OOSP2: variants seen among roughly 807,000 people sequenced by gnomAD.
The protein encoded by OOSP2 is oocyte-secreted protein 2.
A neutral mutation model predicts 13.4 loss-of-function variants in OOSP2; 7 were observed. The observed-to-expected ratio is 0.52, with a 90% CI of 0.30 to 0.98. The LOEUF (loss-of-function observed/expected upper bound fraction) is 0.98, where lower values mean the gene tolerates loss of function less well. Ranked by LOEUF, OOSP2 falls within the 50% of genes least tolerant of loss-of-function variation. OOSP2 has a pLI of 0.07. For synonymous variants in OOSP2, 75 were observed against 67.2 expected, an observed-to-expected ratio of 1.12 and a Z score of -0.57; for missense variants, 184 against 188.5, an observed-to-expected ratio of 0.98 and a Z score of 0.14.
intron 1 of OOSP2, among the ~76,000 whole-genome samples, chr11:60,043,024 C>T (rs775245047): frequency 6.6e-6 from 1 of 152,098 alleles, no homozygotes; most frequent in Admixed American, 6.5e-5. Flanking sequence ...CCTGCCTCAG[C>T]CTCCCGAGTA....
chr11:60,047,300 A>C lies in OOSP2; in HGVS notation c.*227A>C. ...ATTAATTTAACATTAACTATTAGGT[A>C]ATTCATATTATACATTTAAGTTCTT... On this transcript the variant is annotated 3_prime_UTR_variant, in exon 4 of 4. Coordinates refer to ENST00000278855, the MANE Select transcript of OOSP2 (RefSeq NM_173801.5). The C allele has an allele frequency of 2.8e-6, 1 of 353,138 alleles. No individual in the cohort carries two copies. The highest frequency in any genetic ancestry group is 5.1e-6 in the Non-Finnish European group (1 of 196,004). 21.9% of individuals were successfully genotyped at this position (353,138 alleles called of 1,614,324 possible). A position where few individuals can be genotyped will look rare whatever the true frequency, so the allele number is the denominator to read the frequency against.
Position 60,047,052 on chromosome 11 carries a change from T to G in OOSP2, c.456T>G (p.Ser152=), listed in dbSNP as rs1449693967. 6.2e-7 allele frequency: 1 copy of G among 1,611,500 alleles called. No individual in the cohort carries two copies. The highest frequency in any genetic ancestry group is 1.3e-5 in the African/African-American group (1 of 74,832). The change falls in exon 4 of 4, where the codon TCT becomes TCG. Residue 152 remains serine (S), a synonymous_variant. Coordinates refer to ENST00000278855, the MANE Select transcript of OOSP2 (RefSeq NM_173801.5). The part of the protein sequence containing the change: ...QTTAEELGLL[S]SSPNLL Reference sequence around the variant, plus strand: ...CAGCAGAAGAGTTAGGATTATTATCTTCTAGTCCAAACTTGCTCTGAGCTA... The same window carrying G: ...CAGCAGAAGAGTTAGGATTATTATCGTCTAGTCCAAACTTGCTCTGAGCTA...
rs759334527 is a variant in OOSP2, at chr11:60,044,652, A to T, written c.244-19A>T. 8.6e-7 allele frequency: 1 copy of T among 1,158,960 alleles called. No individual in the cohort carries two copies. The highest frequency in any genetic ancestry group is 1.3e-6 in the Non-Finnish European group (1 of 771,018). The allele number at this position is 1,158,960 out of a possible 1,614,324, so 71.8% of individuals were successfully genotyped here. On this transcript the variant is annotated intron_variant, in intron 2 of 3. Transcript: ENST00000278855. ...CTGTTACTCCAAATATCTTCCACTG[A>T]AACTTCATGCTCTCCTAGGTAGTTT... is the stretch of plus-strand genomic sequence containing the variant.
intron 3 of OOSP2, among the ~76,000 whole-genome samples, chr11:60,045,087 T>C (rs963524093): frequency 6.6e-6 from 1 of 152,216 alleles, no homozygotes; most frequent in Non-Finnish European, 1.5e-5. Context: ...TCACCTTTAG[T>C]AAGTGATAGG....
chr11:60,043,058 C>T (rs1854958263), intron 1 of OOSP2, among the ~76,000 whole-genome samples: 1 of 152,216 alleles, frequency 6.6e-6, no homozygotes, highest in Non-Finnish European at 1.5e-5. Context: ...GCGCTTGCCA[C>T]CACACCCGGC....
Position 60,040,524 on chromosome 11 carries a change from GT to G in OOSP2, c.64+2del. On this transcript the variant is annotated splice_donor_variant, in intron 1 of 3. Coordinates refer to ENST00000278855, the MANE Select transcript of OOSP2 (RefSeq NM_173801.5). LOFTEE classifies it high-confidence loss of function. ...TGGACCGGTGCTGAGAACCTCCATG[GT>G]AAATAACAAGTTTTAGAGAATGCTT... is the stretch of plus-strand genomic sequence containing the variant. 6.5e-7 allele frequency: 1 copy of G among 1,545,404 alleles called. No homozygotes were observed.
At chr11:60,040,923 T>G (rs977870410) in intron 1 of OOSP2, among the ~76,000 whole-genome samples, 1 of 152,208 alleles carries the variant, frequency 6.6e-6, no homozygotes, top group African/African-American at 2.4e-5. Context: ...ATATTTTTGC[T>G]TAATGCTGAT....
intron 3 of OOSP2, 43 bp from the exon 4 acceptor site, chr11:60,046,901 A>C (rs369768162): frequency 3.2e-6 from 5 of 1,571,570 alleles, no homozygotes; most frequent in African/African-American, 1.4e-5. Flanking sequence ...ACTTGATCCC[A>C]AGTGCTCCAA....
chr11:60,044,567 T>A (rs1389744404), intron 2 of OOSP2, 104 bp from the exon 3 acceptor site: 1 of 528,038 alleles, frequency 1.9e-6, no homozygotes, highest in Admixed American at 3.1e-5. Flanking sequence ...AGAATGACAG[T>A]AGCCATTTTT....
chr11:60,046,814 A>T (rs2276044), intron 3 of OOSP2, 130 bp from the exon 4 acceptor site: 2 of 818,688 alleles, frequency 2.4e-6, no homozygotes. Flanking sequence ...TCTAGAAGGC[A>T]TAGTATGCTG....
At chr11:60,040,600 C>G in intron 1 of OOSP2, 77 bp downstream of exon 1, 1 of 840,048 alleles carries the variant, frequency 1.2e-6, no homozygotes, top group Admixed American at 1.8e-5. Flanking sequence ...GTGTTTTACT[C>G]CCTGAAGAAA....
chr11:60,047,843 T>C lies in OOSP2; in HGVS notation c.*770T>C, dbSNP rs1291008313. 6.6e-6 allele frequency: 1 copy of C among 152,108 alleles called. No homozygotes were observed. The highest frequency in any genetic ancestry group is 1.9e-4 in the East Asian group (1 of 5,196). 9.4% of individuals were successfully genotyped at this position (152,108 alleles called of 1,614,324 possible). Reference sequence around the variant, plus strand: ...TATCTTCCTTTCTTTAAACATGGAGTCTAAATATGTAATATATCAAAAAAT... The same window carrying C: ...TATCTTCCTTTCTTTAAACATGGAGCCTAAATATGTAATATATCAAAAAAT... On this transcript the variant is annotated 3_prime_UTR_variant, in exon 4 of 4. Transcript: ENST00000278855.
At chr11:60,043,396 G>T in intron 1 of OOSP2, 73 bp from the exon 2 acceptor site, 3 of 905,054 alleles carry the variant, frequency 3.3e-6, no homozygotes, top group South Asian at 1.8e-5. Flanking sequence ...ACAGAGGGCA[G>T]AGTTGACTAT....
intron 1 of OOSP2, among the ~76,000 whole-genome samples, chr11:60,042,192 C>G (rs1274501693): frequency 1.3e-5 from 2 of 152,244 alleles, no homozygotes; most frequent in Admixed American, 1.3e-4. Flanking sequence ...GCAGTGAAAT[C>G]ATAAGTATGG....
chr11:60,043,145 G>C (rs1854959367), intron 1 of OOSP2, among the ~76,000 whole-genome samples: 2 of 151,944 alleles, frequency 1.3e-5, no homozygotes. Flanking sequence ...ACCTTGTAAT[G>C]CGCCCGCCTC....
rs1414761190 is a variant in OOSP2 at position 60,043,601 on chromosome 11, T to C, written c.197T>C (p.Val66Ala). Residue 66 changes from valine (V) to alanine (A), a missense_variant, in exon 2 of 4, where the codon GTA (valine) becomes GCA (alanine). Physicochemically the swap from Val to Ala is moderately conservative, Grantham distance 64. Coordinates refer to ENST00000278855, the MANE Select transcript of OOSP2 (RefSeq NM_173801.5). ...CCTGCAAATCGGATACATACATATG[T>C]ATATGAGTTTATATATCTTGTTCGT... is the stretch of plus-strand genomic sequence containing the variant. ...GCPANRIHTYVYEFIYLVRDC... is the reference protein window; with the variant it reads ...GCPANRIHTYAYEFIYLVRDC... 4 of 1,607,502 alleles carry C rather than the reference T, an allele frequency of 2.5e-6. No homozygotes were observed. Among genetic ancestry groups the C allele is most frequent in the Non-Finnish European group, 3.4e-6 (4 of 1,174,084 alleles).
Position 60,047,883 on chromosome 11 carries a change from AG to A in OOSP2, c.*811del, listed in dbSNP as rs554194487. On this transcript the variant is annotated 3_prime_UTR_variant, in exon 4 of 4. Coordinates refer to ENST00000278855, the MANE Select transcript of OOSP2 (RefSeq NM_173801.5). Reference sequence around the variant, plus strand: ...TATCAAAAAATACTTCTGATTTGGTAGATTTCTTATATCAAGGGTGAGAATT... The same window carrying A: ...TATCAAAAAATACTTCTGATTTGGTAATTTCTTATATCAAGGGTGAGAATT... 8.7e-4 allele frequency: 133 copies of A among 152,246 alleles called. No homozygotes were observed. The highest frequency in any genetic ancestry group is 3.1e-3 in the African/African-American group (130 of 41,536). The allele number at this position is 152,246 out of a possible 1,614,324, so 9.4% of individuals were successfully genotyped here.
At chr11:60,043,322 G>A in intron 1 of OOSP2, 147 bp from the exon 2 acceptor site, 1 of 487,410 alleles carries the variant, frequency 2.1e-6, no homozygotes, top group East Asian at 2.9e-5. Flanking sequence ...TTTTAATAAT[G>A]TTTGTAAGAA....
In OOSP2 at chr11:60,047,031, A is replaced by G. The variant is rs776117151; in HGVS notation, c.435A>G (p.Ala145=). 6.2e-7 allele frequency: 1 copy of G among 1,611,880 alleles called. No individual in the cohort carries two copies. Among genetic ancestry groups the G allele is most frequent in the East Asian group, 2.2e-5 (1 of 44,838 alleles). ...TTATTGCTGACTTTCAGACAACAGC[A>G]GAAGAGTTAGGATTATTATCTTCTA... The part of the protein sequence containing the change: ...SPFIADFQTT[A]EELGLLSSSP... The change falls in exon 4 of 4, where the codon GCA becomes GCG. Residue 145 remains alanine (A), a synonymous_variant. Transcript: ENST00000278855.
Sources: allele counts gnomAD v4.1 joint callset (sites outside exome capture counted in the v4.1 genomes callset), GRCh38; gene constraint gnomAD v4.1.1; transcripts MANE v1.5; gene names NCBI Gene and HGNC (gene_info 2026-07-23, HGNC 2026-07-21).